The following METTL8 variants were observed in gnomAD, a reference collection of about 807,000 sequenced individuals.
The protein encoded by METTL8 is tRNA N(3)-cytidine methyltransferase METTL8, mitochondrial.
Under a neutral mutation model 48.7 loss-of-function variants are expected in METTL8, and 32 were observed. That is an observed-to-expected ratio of 0.66 (90% CI 0.50 to 0.88). METTL8 has a LOEUF of 0.88. Among genes scored for constraint, METTL8 ranks in the 40% least tolerant of loss-of-function variants. The pLI is 0.00. For synonymous variants in METTL8, 136 were observed against 157.1 expected, an observed-to-expected ratio of 0.87 and a Z score of 1.01; for missense variants, 464 against 474.4, an observed-to-expected ratio of 0.98 and a Z score of 0.20.
intron 1 of METTL8, among the ~76,000 whole-genome samples, chr2:171,397,091 G>A (rs868116993): frequency 1.0e-4 from 15 of 150,650 alleles, no homozygotes; most frequent in African/African-American, 3.7e-4. Flanking sequence ...CAAAGTGCTG[G>A]GATTACAGGC....
At position 171,350,607 on chromosome 2, in the gene METTL8, C is replaced by G. The variant is rs147481450; in HGVS notation, c.235+9815G>C. On this transcript the variant is annotated intron_variant, in intron 3 of 9. Transcript: ENST00000375258. ...GTTTAAAAGTGTTCCTATTTCTCCA[C>G]ATCCTCTCCAGCACCTGCTGTTTCC... Among the ~76,000 whole-genome samples the G allele has an allele frequency of 6.3e-3, 963 of 152,296 alleles. 6 individuals carry two copies. Among genetic ancestry groups the G allele is most frequent in the African/African-American group, 0.021 (859 of 41,564 alleles).
chr2:171,371,430 C>T (rs1426814537), intron 2 of METTL8, among the ~76,000 whole-genome samples: 3 of 152,196 alleles, frequency 2.0e-5, no homozygotes, highest in Admixed American at 2.0e-4. Context: ...CATCTCGGTT[C>T]ACTGCAACCT....
At chr2:171,409,904 C>A (rs1017888330) in intron 1 of METTL8, among the ~76,000 whole-genome samples, 7 of 152,142 alleles carry the variant, frequency 4.6e-5, no homozygotes, top group Non-Finnish European at 7.3e-5. Flanking sequence ...TAATTGTCTA[C>A]GGTCAGGCCG....
intron 3 of METTL8, among the ~76,000 whole-genome samples, chr2:171,351,219 A>G (rs1359830917): frequency 6.6e-6 from 1 of 152,200 alleles, no homozygotes; most frequent in Non-Finnish European, 1.5e-5. Flanking sequence ...TTAAATAGGG[A>G]ATCCTTTCCC....
chr2:171,330,590 C>T lies in METTL8; in HGVS notation c.829G>A (p.Val277Ile), dbSNP rs1231688914. The change falls in exon 7 of 10, where the codon GTC (valine) becomes ATC (isoleucine). Residue 277 changes from valine (V) to isoleucine (I), a missense_variant. Val to Ile is a conservative substitution (Grantham distance 29, BLOSUM62 3). Coordinates refer to ENST00000375258, the MANE Select transcript of METTL8 (RefSeq NM_001321154.2). ...PDGILDVILL[V>I]FVLSSIHPDR... ...GGATGAATAGAAGAGAGCACAAAGA[C>T]AAGGAGAATGACATCCAGGATCCCA... 2 of 1,613,880 alleles carry T rather than the reference C, an allele frequency of 1.2e-6. No individual in the cohort carries two copies. Among genetic ancestry groups the T allele is most frequent in the Non-Finnish European group, 1.7e-6 (2 of 1,179,932 alleles).
intron 2 of METTL8, among the ~76,000 whole-genome samples, chr2:171,363,814 A>ATATATATATATATATATATG (rs1450355003): frequency 7.6e-6 from 1 of 131,186 alleles, no homozygotes; most frequent in Non-Finnish European, 1.7e-5. Context: ...ATATATATAT[A>ATATATATATATATATATATG]TCTTTTTTTT....
At chr2:171,432,604 G>A (rs1484544193) in intron 1 of METTL8, among the ~76,000 whole-genome samples, 1 of 152,174 alleles carries the variant, frequency 6.6e-6, no homozygotes, top group Non-Finnish European at 1.5e-5. Context: ...ATTAACTATT[G>A]TAGCACTCTC....
chr2:171,428,376 G>T (rs1692629250), intron 1 of METTL8, among the ~76,000 whole-genome samples: 1 of 152,042 alleles, frequency 6.6e-6, no homozygotes, highest in South Asian at 2.1e-4. Context: ...AAGTATTGTG[G>T]TATATGCCTG....
chr2:171,408,730 C>A (rs1057416859), intron 1 of METTL8, among the ~76,000 whole-genome samples: 1 of 152,204 alleles, frequency 6.6e-6, no homozygotes, highest in African/African-American at 2.4e-5. Flanking sequence ...CTGCCACTTA[C>A]TACCACAGGC....
At position 171,336,502 on chromosome 2, in the gene METTL8, C is replaced by T. The variant is rs544528036; in HGVS notation, c.656+951G>A. On this transcript the variant is annotated intron_variant, in intron 5 of 9. Transcript: ENST00000375258. ...CTGCAAGCTCGGCCTCCCGGGTTCACGCCATTCTCCTGCCTCAGCCTCCCG... is the reference window on the plus strand; with the variant it reads ...CTGCAAGCTCGGCCTCCCGGGTTCATGCCATTCTCCTGCCTCAGCCTCCCG... Among the ~76,000 whole-genome samples, 101 of 142,300 alleles carry T rather than the reference C, an allele frequency of 7.1e-4. 1 individual carries two copies. Among genetic ancestry groups the T allele is most frequent in the South Asian group, 3.5e-3 (15 of 4,294 alleles). The allele number at this position is 142,300 out of a possible 152,430, so 93.4% of individuals were successfully genotyped here.
At position 171,386,245 on chromosome 2, in the gene METTL8, G is replaced by C. The variant is rs193049977; in HGVS notation, c.143+5798C>G. On this transcript the variant is annotated intron_variant, in intron 2 of 9. Coordinates refer to ENST00000375258, the MANE Select transcript of METTL8 (RefSeq NM_001321154.2). ...AACAAAAAAAATTGATAAATGAGGA[G>C]CTTGCCTAAGATCAGAAGTTGCTCT... Among the ~76,000 whole-genome samples the C allele has an allele frequency of 2.8e-3, 430 of 152,316 alleles. 6 individuals carry two copies. Among genetic ancestry groups the C allele is most frequent in the African/African-American group, 9.7e-3 (403 of 41,570 alleles).
chr2:171,395,993 C>T (rs564421589), intron 1 of METTL8, among the ~76,000 whole-genome samples: 1 of 152,248 alleles, frequency 6.6e-6, no homozygotes, highest in Middle Eastern at 3.4e-3. Context: ...TTTGGCTGGC[C>T]AGGCACAGTG....
intron 2 of METTL8, among the ~76,000 whole-genome samples, chr2:171,373,044 T>C (rs1199430438): frequency 1.3e-5 from 2 of 152,250 alleles, no homozygotes; most frequent in Non-Finnish European, 2.9e-5. Flanking sequence ...TTCTAGATCC[T>C]TGAGGAATCA....
At position 171,384,112 on chromosome 2, in the gene METTL8, A is replaced by G. The variant is rs927854280; in HGVS notation, c.143+7931T>C. Among the ~76,000 whole-genome samples, 6 of 152,366 alleles carry G rather than the reference A, an allele frequency of 3.9e-5. No homozygotes were observed. In the Middle Eastern group the frequency reaches 0.01, roughly 259 times the overall value. ...TGGAATATCATTCAGCCATAAAAAGAACAAAGTGCCAATACATGCTGCAAG... is the reference window on the plus strand; with the variant it reads ...TGGAATATCATTCAGCCATAAAAAGGACAAAGTGCCAATACATGCTGCAAG... On this transcript the variant is annotated intron_variant, in intron 2 of 9. Transcript: ENST00000375258.
At chr2:171,348,184 T>C (rs1683491651) in intron 3 of METTL8, among the ~76,000 whole-genome samples, 1 of 152,200 alleles carries the variant, frequency 6.6e-6, no homozygotes. Context: ...ATACTTGGTT[T>C]ACACAGAGGA....
At chr2:171,405,280 G>T (rs529406546) in intron 1 of METTL8, among the ~76,000 whole-genome samples, 1 of 152,086 alleles carries the variant, frequency 6.6e-6, no homozygotes, top group Non-Finnish European at 1.5e-5. Flanking sequence ...GGTGGCTGAA[G>T]TCGAGAGGGA....
At chr2:171,373,998 T>G (rs1249546198) in intron 2 of METTL8, among the ~76,000 whole-genome samples, 1 of 152,210 alleles carries the variant, frequency 6.6e-6, no homozygotes, top group East Asian at 1.9e-4. Context: ...TTAAAGTAGT[T>G]TTTTCCAATT....
intron 1 of METTL8, among the ~76,000 whole-genome samples, chr2:171,425,602 G>A (rs1231523352): frequency 2.6e-5 from 4 of 152,228 alleles, no homozygotes; most frequent in African/African-American, 9.7e-5. Flanking sequence ...AATATCCAGT[G>A]AGGGTAGAAC....
intron 2 of METTL8, among the ~76,000 whole-genome samples, chr2:171,376,296 T>C (rs1686954638): frequency 6.6e-6 from 1 of 152,182 alleles, no homozygotes; most frequent in African/African-American, 2.4e-5. Context: ...AAATCCTACC[T>C]GCTCTTCCAA....
Sources: allele counts gnomAD v4.1 joint callset (sites outside exome capture counted in the v4.1 genomes callset), GRCh38; gene constraint gnomAD v4.1.1; transcripts MANE v1.5; gene names NCBI Gene and HGNC (gene_info 2026-07-23, HGNC 2026-07-21).